USH2A: variants seen among roughly 807,000 people sequenced by gnomAD.
USH2A encodes Usher syndrome 2A (autosomal recessive, mild).
In USH2A, 443 loss-of-function variants were observed where a neutral mutation model predicts 538.9. The observed-to-expected ratio is 0.82, with a 90% CI of 0.76 to 0.89. The LOEUF (loss-of-function observed/expected upper bound fraction) is 0.89, where lower values mean the gene tolerates loss of function less well. Among genes scored for constraint, USH2A ranks in the 40% least tolerant of loss-of-function variants. The pLI is 0.00. For missense variants in USH2A, 6,633 were observed against 6,324.8 expected (o/e 1.05, Z -1.65); for synonymous variants, 2,413 against 2,273.5 (o/e 1.06, Z -1.75).
chr1:215,763,528 C>T (rs1245053057), intron 56 of USH2A, among the ~76,000 whole-genome samples: 1 of 152,056 alleles, frequency 6.6e-6, no homozygotes, highest in African/African-American at 2.4e-5. Flanking sequence ...ACTGCACATA[C>T]CTTGGCATGG....
intron 19 of USH2A, among the ~76,000 whole-genome samples, chr1:216,190,599 T>C (rs978355079): frequency 1.3e-5 from 2 of 151,502 alleles, no homozygotes; most frequent in African/African-American, 2.4e-5. Context: ...CCTGAGTGGA[T>C]AAATGAGAAA....
chr1:215,677,877 C>T (rs1344385294), intron 62 of USH2A, among the ~76,000 whole-genome samples: 1 of 152,186 alleles, frequency 6.6e-6, no homozygotes, highest in Non-Finnish European at 1.5e-5. Flanking sequence ...GCAAAGAACA[C>T]TCTCAGGAGT....
chr1:215,852,443 G>C (rs564113152), intron 44 of USH2A, among the ~76,000 whole-genome samples: 2 of 152,080 alleles, frequency 1.3e-5, no homozygotes, highest in South Asian at 2.1e-4. Context: ...ATTTAGGTGG[G>C]GACACAGCCA....
intron 40 of USH2A, among the ~76,000 whole-genome samples, chr1:215,890,860 TAA>T (rs1016396329): frequency 1.3e-5 from 2 of 152,226 alleles, no homozygotes. Flanking sequence ...TTGGGTTTCG[TAA>T]AATCAATGGT....
At chr1:215,697,647 G>A (rs1023473316) in intron 61 of USH2A, among the ~76,000 whole-genome samples, 4 of 151,984 alleles carry the variant, frequency 2.6e-5, no homozygotes, top group Non-Finnish European at 4.4e-5. Context: ...TCAGCCTCCC[G>A]AGTATCTGGG....
chr1:215,984,415 T>C (rs1667822600), intron 35 of USH2A, among the ~76,000 whole-genome samples: 1 of 152,236 alleles, frequency 6.6e-6, no homozygotes, highest in South Asian at 2.1e-4. Context: ...ACAAAATGGA[T>C]ACTTAATTCC....
rs1477987925 is a variant in USH2A at position 216,399,512 on chromosome 1, C to G, written c.651+19002G>C. Among the ~76,000 whole-genome samples the G allele has an allele frequency of 2.0e-5, 3 of 152,064 alleles. No individual in the cohort carries two copies. In the South Asian group the frequency reaches 6.2e-4, roughly 32 times the overall value. ...CCAGTTCACAAGAACTGGGAGAGTT[C>G]TGGAGAGAAGCAGAACCTTCTCTCA... On this transcript the variant is annotated intron_variant, in intron 3 of 71. Coordinates refer to ENST00000307340, the MANE Select transcript of USH2A (RefSeq NM_206933.4).
At chr1:215,814,653 G>C (rs1453256404) in intron 48 of USH2A, among the ~76,000 whole-genome samples, 1 of 152,030 alleles carries the variant, frequency 6.6e-6, no homozygotes, top group Non-Finnish European at 1.5e-5. Flanking sequence ...GAAGGTCCTT[G>C]CTTCCCCTTC....
rs1662211536 is a variant in USH2A at position 215,798,753 on chromosome 1, T to C, written c.9958+154A>G. On this transcript the variant is annotated intron_variant, in intron 50 of 71. Transcript: ENST00000307340. ...TACATGTAAAAATTGGGAGATTACA[T>C]TGTTATGTGTTAAACAATATGTTCC... 2.0e-5 allele frequency among the ~76,000 whole-genome samples: 3 copies of C among 152,334 alleles called. No homozygotes were observed. In the South Asian group the frequency reaches 6.2e-4, roughly 32 times the overall value.
intron 3 of USH2A, among the ~76,000 whole-genome samples, chr1:216,405,674 A>T (rs2039383594): frequency 6.6e-6 from 1 of 152,158 alleles, no homozygotes; most frequent in Non-Finnish European, 1.5e-5. Context: ...ACGCTATTGC[A>T]CTCTTGAGCA....
chr1:215,682,116 T>C (rs1255623483), intron 61 of USH2A, among the ~76,000 whole-genome samples: 3 of 152,212 alleles, frequency 2.0e-5, no homozygotes, highest in Non-Finnish European at 4.4e-5. Context: ...TTCTGATAAA[T>C]GATTCCTTTT....
Position 215,786,795 on chromosome 1 carries a change from G to A in USH2A, c.10262C>T (p.Thr3421Ile). The A allele has an allele frequency of 6.2e-7, 1 of 1,613,660 alleles. No homozygotes were observed. The highest frequency in any genetic ancestry group is 8.5e-7 in the Non-Finnish European group (1 of 1,179,886). ...EHCGRCDFNF[T>I]SHICTVIRGS... is the part of the protein sequence containing the mutation. ...TCTTATCACAGTGCAAATGTGGCTGGTAAAGTTGAAGTCACACCTGCCACA... is the reference window on the plus strand; with the variant it reads ...TCTTATCACAGTGCAAATGTGGCTGATAAAGTTGAAGTCACACCTGCCACA... Residue 3421 changes from threonine (T) to isoleucine (I), a missense_variant, in exon 52 of 72, where the codon ACC (threonine) becomes ATC (isoleucine). Coordinates refer to ENST00000307340, the MANE Select transcript of USH2A (RefSeq NM_206933.4).
intron 61 of USH2A, among the ~76,000 whole-genome samples, chr1:215,712,703 T>A (rs1455261919): frequency 6.6e-6 from 1 of 152,186 alleles, no homozygotes; most frequent in Non-Finnish European, 1.5e-5. Flanking sequence ...CTAACATATT[T>A]AGTGAAGAAA....
At chr1:216,005,068 A>T (rs1668361363) in intron 32 of USH2A, among the ~76,000 whole-genome samples, 1 of 152,160 alleles carries the variant, frequency 6.6e-6, no homozygotes, top group African/African-American at 2.4e-5. Flanking sequence ...ACGAAATCTA[A>T]TAATGGTCAA....
intron 18 of USH2A, among the ~76,000 whole-genome samples, chr1:216,198,006 C>T (rs2034889927): frequency 6.6e-6 from 1 of 152,112 alleles, no homozygotes; most frequent in South Asian, 2.1e-4. Flanking sequence ...GTCCAATCCA[C>T]TTCAGGAGTG....
At chr1:215,729,698 A>G (rs1237713528) in intron 60 of USH2A, among the ~76,000 whole-genome samples, 1 of 152,174 alleles carries the variant, frequency 6.6e-6, no homozygotes, top group African/African-American at 2.4e-5. Context: ...TGATGCAATC[A>G]TGGCTAACTG....
At chr1:215,643,022 C>T (rs1656738254) in intron 67 of USH2A, among the ~76,000 whole-genome samples, 1 of 152,168 alleles carries the variant, frequency 6.6e-6, no homozygotes, top group East Asian at 1.9e-4. Flanking sequence ...TTGAGTTGGA[C>T]TCTTGCTCTG....
intron 38 of USH2A, among the ~76,000 whole-genome samples, chr1:215,908,573 T>A (rs527758821): frequency 6.6e-6 from 1 of 151,950 alleles, no homozygotes; most frequent in East Asian, 1.9e-4. Flanking sequence ...AAAATTATTA[T>A]AGATAATCTT....
intron 4 of USH2A, among the ~76,000 whole-genome samples, chr1:216,327,951 C>T (rs2037768167): frequency 6.6e-6 from 1 of 152,084 alleles, no homozygotes; most frequent in African/African-American, 2.4e-5. Context: ...TCAAATTTCT[C>T]TCTAGTTTAT....
Sources: allele counts gnomAD v4.1 joint callset (sites outside exome capture counted in the v4.1 genomes callset), GRCh38; gene constraint gnomAD v4.1.1; transcripts MANE v1.5; gene names NCBI Gene and HGNC (gene_info 2026-07-23, HGNC 2026-07-21).